The following MRPS31 variants were observed in gnomAD, a reference collection of about 807,000 sequenced individuals.
MRPS31 encodes the protein small ribosomal subunit protein mS31.
A neutral mutation model predicts 43.1 loss-of-function variants in MRPS31; 32 were observed. The ratio of observed to expected loss-of-function variants is 0.74; its 90% confidence interval spans 0.56 to 1.00. The LOEUF is 1.00. Ranked by LOEUF, MRPS31 falls within the 50% of genes least tolerant of loss-of-function variation. The pLI, the probability that MRPS31 is intolerant of heterozygous loss-of-function variation, is 0.00. For synonymous variants in MRPS31, 165 were observed against 161.6 expected (o/e 1.02, Z -0.16); for missense variants, 437 against 466.7 (o/e 0.94, Z 0.59).
At chr13:40,729,709 T>C (rs1200085892) in intron 6 of MRPS31, 108 bp from the exon 7 acceptor site, 2 of 776,262 alleles carry the variant, frequency 2.6e-6, no homozygotes, top group East Asian at 5.4e-5. Context: ...GGCATGAACT[T>C]TGGAGTTAGA....
intron 6 of MRPS31, among the ~76,000 whole-genome samples, chr13:40,732,555 G>A (rs1879728902): frequency 6.6e-6 from 1 of 152,134 alleles, no homozygotes. Context: ...GCAACAAAGT[G>A]AGACCCCATC....
At chr13:40,731,252 C>CAAA (rs1161901636) in intron 6 of MRPS31, 6 of 65,184 alleles carry the variant, frequency 9.2e-5, no homozygotes, top group Admixed American at 1.9e-4. Flanking sequence ...GACCCTGTCT[C>CAAA]AAAAAAAAAA....
intron 2 of MRPS31, among the ~76,000 whole-genome samples, chr13:40,764,799 T>C (rs747194589): frequency 1.3e-5 from 2 of 152,206 alleles, no homozygotes; most frequent in African/African-American, 4.8e-5. Context: ...GTCTTCCAAC[T>C]GAGGCCCCAG....
chr13:40,742,614 C>A (rs1194680331), intron 6 of MRPS31, among the ~76,000 whole-genome samples: 1 of 152,134 alleles, frequency 6.6e-6, no homozygotes, highest in Non-Finnish European at 1.5e-5. Context: ...AATAACAGAG[C>A]CCTTCTTTAG....
In MRPS31 at chr13:40,756,874, T is replaced by G. The variant is rs1278856110; in HGVS notation, c.739A>C (p.Arg247=). Residue 247 remains arginine (R), a splice_region_variant and synonymous_variant, in exon 4 of 7, where the codon AGG becomes CGG. Transcript: ENST00000323563. Reference sequence around the variant, plus strand: ...CCAGCAGATTACAAAGCCTGATACCTTTTTTTAAGATCATCCGTCTTCTCC... The same window carrying G: ...CCAGCAGATTACAAAGCCTGATACCGTTTTTTAAGATCATCCGTCTTCTCC... ...GQEKTDDLKK[R]KNIFTGKRLN... The G allele has an allele frequency of 6.2e-7, 1 of 1,610,032 alleles. No homozygotes were observed. Among genetic ancestry groups the G allele is most frequent in the African/African-American group, 1.3e-5 (1 of 74,676 alleles).
At chr13:40,751,023 A>G (rs1242749107) in intron 5 of MRPS31, among the ~76,000 whole-genome samples, 2 of 151,946 alleles carry the variant, frequency 1.3e-5, no homozygotes, top group Non-Finnish European at 2.9e-5. Context: ...AAATAGCTCA[A>G]TTACTCTTCT....
intron 6 of MRPS31, among the ~76,000 whole-genome samples, chr13:40,737,399 C>T (rs1247879107): frequency 4.6e-5 from 7 of 151,970 alleles, no homozygotes; most frequent in Non-Finnish European, 8.8e-5. Flanking sequence ...ACAAGGATAC[C>T]CAGGAATTGA....
At chr13:40,760,800 A>C (rs1245811337) in intron 2 of MRPS31, among the ~76,000 whole-genome samples, 1 of 152,030 alleles carries the variant, frequency 6.6e-6, no homozygotes, top group Non-Finnish European at 1.5e-5. Context: ...CTGAGAACTG[A>C]CATCTCAATG....
At chr13:40,735,567 C>T (rs1187917778) in intron 6 of MRPS31, among the ~76,000 whole-genome samples, 2 of 152,006 alleles carry the variant, frequency 1.3e-5, no homozygotes, top group South Asian at 4.2e-4. Flanking sequence ...GTTCTCCCAG[C>T]ACGCAGCTGG....
In MRPS31 at chr13:40,729,496, G is replaced by C. The variant is rs761521934; in HGVS notation, c.1064C>G (p.Thr355Ser). ...GPIRHFMELV[T>S]CGLSKNPYLS... ...ATATGGGTTTTTGGAAAGGCCACAA[G>C]TCACCAGCTCCATGAAGTGGCGAAT... The change falls in exon 7 of 7, where the codon ACT becomes AGT. Residue 355 changes from threonine (T) to serine (S), a missense_variant. Coordinates refer to ENST00000323563, the MANE Select transcript of MRPS31 (RefSeq NM_005830.4). 5.6e-6 allele frequency: 9 copies of C among 1,613,662 alleles called. No homozygotes were observed. The Admixed American group carries it at 1.2e-4, about 21-fold the overall frequency.
At chr13:40,737,600 G>C (rs1429329113) in intron 6 of MRPS31, among the ~76,000 whole-genome samples, 1 of 152,142 alleles carries the variant, frequency 6.6e-6, no homozygotes, top group Non-Finnish European at 1.5e-5. Flanking sequence ...TCAGACCACA[G>C]TGCAATCAAA....
intron 1 of MRPS31, among the ~76,000 whole-genome samples, chr13:40,768,745 T>C (rs1285287684): frequency 6.6e-6 from 1 of 152,176 alleles, no homozygotes; most frequent in Non-Finnish European, 1.5e-5. Context: ...AGAATTCTGA[T>C]TCAACAGCTT....
chr13:40,769,097 G>T (rs1167740712), intron 1 of MRPS31, among the ~76,000 whole-genome samples: 1 of 152,034 alleles, frequency 6.6e-6, no homozygotes, highest in Non-Finnish European at 1.5e-5. Context: ...ATCAAGTTCA[G>T]CTGGGCATGG....
intron 6 of MRPS31, among the ~76,000 whole-genome samples, chr13:40,740,630 T>C (rs1245620411): frequency 1.0e-4 from 14 of 139,488 alleles, no homozygotes; most frequent in Admixed American, 6.5e-4. Flanking sequence ...GTTCATGTCC[T>C]TTGTAGGGAC....
intron 1 of MRPS31, among the ~76,000 whole-genome samples, chr13:40,768,531 C>T (rs532970093): frequency 6.6e-6 from 1 of 152,092 alleles, no homozygotes; most frequent in East Asian, 1.9e-4. Context: ...CCTCCCTGAG[C>T]TCAGGTGATC....
rs1880348895 is a variant in MRPS31 at position 40,750,286 on chromosome 13, T to C, written c.815-1005A>G. On this transcript the variant is annotated intron_variant, in intron 5 of 6. Transcript: ENST00000323563. Reference sequence around the variant, plus strand: ...GCCAGATGCAAAGGAGTATATACTATGTGATTTCAGTTATGTACAGTTCTA... The same window carrying C: ...GCCAGATGCAAAGGAGTATATACTACGTGATTTCAGTTATGTACAGTTCTA... Among the ~76,000 whole-genome samples the C allele has an allele frequency of 2.6e-5, 4 of 152,174 alleles. 1 individual carries two copies. The highest frequency in any genetic ancestry group is 4.4e-5 in the Non-Finnish European group (3 of 67,998).
chr13:40,749,874 T>G (rs1375428736), intron 5 of MRPS31, among the ~76,000 whole-genome samples: 1 of 152,208 alleles, frequency 6.6e-6, no homozygotes, highest in African/African-American at 2.4e-5. Flanking sequence ...CTTCAGATCA[T>G]CTTTTGAAAA....
intron 6 of MRPS31, among the ~76,000 whole-genome samples, chr13:40,747,778 G>A (rs1177669079): frequency 6.6e-6 from 1 of 152,034 alleles, no homozygotes; most frequent in Admixed American, 6.6e-5. Flanking sequence ...GGGAGGAGGA[G>A]GTTGCAGTGA....
chr13:40,733,410 G>C (rs1879770238), intron 6 of MRPS31, among the ~76,000 whole-genome samples: 2 of 152,176 alleles, frequency 1.3e-5, no homozygotes, highest in East Asian at 3.9e-4. Flanking sequence ...AGGAGAAAAA[G>C]AAAAAGATTG....
Sources: allele counts gnomAD v4.1 joint callset (sites outside exome capture counted in the v4.1 genomes callset), GRCh38; gene constraint gnomAD v4.1.1; transcripts MANE v1.5; gene names NCBI Gene and HGNC (gene_info 2026-07-23, HGNC 2026-07-21).